Variants in EFCAB5 observed in about 807,000 individuals in gnomAD.
EFCAB5 encodes the protein EF-hand calcium-binding domain-containing protein 5.
Under a neutral mutation model 167.9 loss-of-function variants are expected in EFCAB5, and 131 were observed. The observed-to-expected ratio is 0.78, with a 90% CI of 0.68 to 0.90. The LOEUF is 0.90. Ranked by LOEUF, EFCAB5 falls within the 40% of genes least tolerant of loss-of-function variation. EFCAB5 has a pLI of 0.00. For missense variants in EFCAB5, 1,663 were observed against 1,745.2 expected (o/e 0.95, Z 0.84); for synonymous variants, 574 against 602.8 (o/e 0.95, Z 0.70).
chr17:30,101,605 T>C (rs1194024741), intron 22 of EFCAB5, among the ~76,000 whole-genome samples: 4 of 152,186 alleles, frequency 2.6e-5, no homozygotes, highest in African/African-American at 4.8e-5. Flanking sequence ...AAGCTGGAGA[T>C]ATAAAATCGA....
intron 21 of EFCAB5, 119 bp from the exon 22 acceptor site, chr17:30,092,721 T>C: frequency 3.2e-6 from 2 of 616,898 alleles, no homozygotes; most frequent in Non-Finnish European, 2.7e-6. Flanking sequence ...TCTAACACCA[T>C]TGATTGGTTT....
In EFCAB5 at chr17:30,092,988, C is replaced by G. The variant is rs377324126; in HGVS notation, c.4321+52C>G. On this transcript the variant is annotated intron_variant, in intron 22 of 22. Coordinates refer to ENST00000394835, the MANE Select transcript of EFCAB5 (RefSeq NM_198529.4). The stretch of plus-strand genomic sequence containing the variant: ...AATCTATGCCAACAGCAATAAAACA[C>G]AGTTGTGATTTTTATTAGGATAAAG... The G allele has an allele frequency of 2.8e-6, 4 of 1,405,672 alleles. No individual in the cohort carries two copies. In the African/African-American group the frequency reaches 4.4e-5, roughly 15 times the overall value. 87.1% of individuals were successfully genotyped at this position (1,405,672 alleles called of 1,614,324 possible). A position where few individuals can be genotyped will look rare whatever the true frequency, so the allele number is the denominator to read the frequency against.
At chr17:30,089,194 T>G (rs1050599211) in intron 19 of EFCAB5, among the ~76,000 whole-genome samples, 3 of 152,236 alleles carry the variant, frequency 2.0e-5, no homozygotes, top group African/African-American at 4.8e-5. Context: ...TGCATAGCCC[T>G]GGATTCTTGT....
At chr17:30,061,421 A>C (rs1323028506) in intron 14 of EFCAB5, among the ~76,000 whole-genome samples, 1 of 152,144 alleles carries the variant, frequency 6.6e-6, no homozygotes. Flanking sequence ...GTTTTGGTCT[A>C]CTCCTATTGC....
chr17:30,053,730 A>G lies in EFCAB5; in HGVS notation c.1776A>G (p.Ser592=). The G allele has an allele frequency of 1.2e-6, 2 of 1,614,010 alleles. No homozygotes were observed. Among genetic ancestry groups the G allele is most frequent in the Non-Finnish European group, 8.5e-7 (1 of 1,179,872 alleles). The change falls in exon 10 of 23, where the codon TCA becomes TCG. Residue 592 remains serine, a synonymous_variant. Transcript: ENST00000394835. Reference sequence around the variant, plus strand: ...AAGGACAAGGACCACGCAGAGTGTCAGTTTCAGAACAAGGATCAAGCAGAG... The same window carrying G: ...AAGGACAAGGACCACGCAGAGTGTCGGTTTCAGAACAAGGATCAAGCAGAG... The part of the protein sequence containing the change: ...SIEGQGPRRV[S]VSEQGSSRES...
intron 16 of EFCAB5, 67 bp from the exon 17 acceptor site, chr17:30,080,686 T>A: frequency 8.3e-7 from 1 of 1,199,954 alleles, no homozygotes; most frequent in Non-Finnish European, 1.2e-6. Context: ...TCGCTCTAGT[T>A]TCCTCCATGG....
In EFCAB5 at chr17:30,045,299, A is replaced by G. The variant is rs148751454; in HGVS notation, c.1201-5819A>G. Among the ~76,000 whole-genome samples, 770 of 152,046 alleles carry G rather than the reference A, an allele frequency of 5.1e-3. 6 individuals are homozygous for G. The highest frequency in any genetic ancestry group is 0.017 in the African/African-American group (723 of 41,454). The stretch of plus-strand genomic sequence containing the variant: ...TGGCAAACACCCTTCTCTACTAAAA[A>G]TACAAAAAATTAGCCAGGTATGGTG... On this transcript the variant is annotated intron_variant, in intron 8 of 22. Coordinates refer to ENST00000394835, the MANE Select transcript of EFCAB5 (RefSeq NM_198529.4).
intron 1 of EFCAB5, among the ~76,000 whole-genome samples, chr17:29,934,937 C>T (rs1386658032): frequency 6.6e-6 from 1 of 151,988 alleles, no homozygotes; most frequent in African/African-American, 2.4e-5. Flanking sequence ...ATCTATAACT[C>T]ATTCATTGCA....
At chr17:30,075,338 C>A (rs1457412984) in intron 14 of EFCAB5, among the ~76,000 whole-genome samples, 1 of 152,154 alleles carries the variant, frequency 6.6e-6, no homozygotes, top group Non-Finnish European at 1.5e-5. Context: ...AACAGATCAC[C>A]CCCTCCAAGT....
chr17:29,972,204 A>ATTTT (rs11409322), intron 4 of EFCAB5, among the ~76,000 whole-genome samples: 13 of 127,450 alleles, frequency 1.0e-4, no homozygotes, highest in Admixed American at 2.5e-4. Flanking sequence ...CGCCCGGCTA[A>ATTTT]TTTTTTTTTT....
chr17:30,035,614 T>C (rs779616948), intron 8 of EFCAB5, among the ~76,000 whole-genome samples: 8 of 152,290 alleles, frequency 5.3e-5, no homozygotes, highest in African/African-American at 1.9e-4. Flanking sequence ...TGTACTGGAT[T>C]GGACAAAGAA....
Position 30,090,464 on chromosome 17 carries a change from G to T in EFCAB5, c.3727G>T (p.Ala1243Ser), listed in dbSNP as rs578193515. The change falls in exon 20 of 23, where the codon GCT becomes TCT. Residue 1243 changes from alanine to serine, a missense_variant. Transcript: ENST00000394835. Reference sequence around the variant, plus strand: ...TACTGACAGTTCAGAAGTTGTTCTGGCTTCTGCCTGTGGAGAAACGCATAT... The same window carrying T: ...TACTGACAGTTCAGAAGTTGTTCTGTCTTCTGCCTGTGGAGAAACGCATAT... Reference protein sequence around the residue: ...KCTDSSEVVLASACGETHIVV... With the variant: ...KCTDSSEVVLSSACGETHIVV... 9 of 1,613,864 alleles carry T rather than the reference G, an allele frequency of 5.6e-6. No individual in the cohort carries two copies. Among genetic ancestry groups the T allele is most frequent in the African/African-American group, 1.3e-5 (1 of 74,914 alleles).
intron 14 of EFCAB5, among the ~76,000 whole-genome samples, chr17:30,071,621 C>T (rs753417603): frequency 6.6e-6 from 1 of 152,000 alleles, no homozygotes; most frequent in Non-Finnish European, 1.5e-5. Flanking sequence ...ACAGAACTAC[C>T]ATATGATCTA....
At chr17:29,984,406 G>T (rs1173469061) in intron 4 of EFCAB5, among the ~76,000 whole-genome samples, 2 of 151,830 alleles carry the variant, frequency 1.3e-5, no homozygotes, top group African/African-American at 4.8e-5. Flanking sequence ...TTGCATCAGA[G>T]AAACTTAGCA....
At chr17:29,995,752 A>AT (rs748845934) in intron 5 of EFCAB5, among the ~76,000 whole-genome samples, 2 of 152,078 alleles carry the variant, frequency 1.3e-5, no homozygotes, top group African/African-American at 4.8e-5. Flanking sequence ...GAGCAAGATG[A>AT]TTTTTTTCTT....
intron 6 of EFCAB5, among the ~76,000 whole-genome samples, chr17:29,999,303 CAT>C (rs1284552191): frequency 2.6e-5 from 4 of 151,394 alleles, no homozygotes; most frequent in Admixed American, 1.3e-4. Context: ...AAAAAAGGTA[CAT>C]GTGTATATAT....
chr17:29,952,382 A>G (rs1597572094), intron 3 of EFCAB5, among the ~76,000 whole-genome samples: 1 of 152,190 alleles, frequency 6.6e-6, no homozygotes, highest in Non-Finnish European at 1.5e-5. Flanking sequence ...TACCACCTAC[A>G]ATTGAAATCC....
At chr17:30,002,375 T>A (rs924893279) in intron 7 of EFCAB5, among the ~76,000 whole-genome samples, 5 of 152,206 alleles carry the variant, frequency 3.3e-5, no homozygotes, top group Non-Finnish European at 1.5e-5. Flanking sequence ...CATGTAGATT[T>A]CTGTTACCAC....
chr17:29,999,725 GA>G (rs2068622136), intron 6 of EFCAB5, among the ~76,000 whole-genome samples, 180 bp from the exon 7 acceptor site: 1 of 151,848 alleles, frequency 6.6e-6, no homozygotes, highest in African/African-American at 2.4e-5. Context: ...GCTCAGCCAG[GA>G]AAAGTAATAA....
Sources: gnomAD v4.1 joint callset for allele counts (sites outside exome capture counted in the v4.1 genomes callset) on GRCh38, gnomAD v4.1.1 for gene constraint, MANE v1.5 for transcripts, NCBI Gene and HGNC (gene_info 2026-07-23, HGNC 2026-07-21) for gene names.